GFPT1: variants seen among roughly 807,000 people sequenced by gnomAD.
The protein encoded by GFPT1 is glutamine--fructose-6-phosphate transaminase 1.
A neutral mutation model predicts 92.0 loss-of-function variants in GFPT1; 40 were observed. That is an observed-to-expected ratio of 0.43 (90% confidence interval 0.34 to 0.57). GFPT1 has a LOEUF of 0.57. GFPT1 is among the 20% of genes least tolerant of loss of function. The pLI, the probability that GFPT1 is intolerant of heterozygous loss-of-function variation, is 0.02. For synonymous variants in GFPT1, 269 were observed against 280.6 expected, an observed-to-expected ratio of 0.96 and a Z score of 0.41; for missense variants, 448 against 869.1, an observed-to-expected ratio of 0.52 and a Z score of 6.09.
rs1367565689 is a variant in GFPT1, at chr2:69,350,176, G to A, written c.747C>T (p.Asp249=). 6.2e-7 allele frequency: 1 copy of A among 1,610,680 alleles called. No individual in the cohort carries two copies. The highest frequency in any genetic ancestry group is 1.1e-5 in the South Asian group (1 of 91,000). Residue 249 remains aspartate, a synonymous_variant, in exon 10 of 20, where the codon GAC becomes GAT. Coordinates refer to ENST00000357308, the MANE Select transcript of GFPT1 (RefSeq NM_001244710.2). The stretch of plus-strand genomic sequence containing the variant: ...GAGAGAGATTGCAGCTTCCTTTCTT[G>A]TCTTTGCCTAAAGCATATAGTTAAC... The part of the protein sequence containing the change: ...RWGSQGERGK[D]KKGSCNLSRV...
chr2:69,350,057 G>C (rs763501709), intron 10 of GFPT1, 21 bp downstream of exon 10: 2 of 1,505,374 alleles, frequency 1.3e-6, no homozygotes, highest in African/African-American at 1.4e-5. Context: ...AAATCTCTTT[G>C]AATCAACTAA....
At position 69,323,304 on chromosome 2, in the gene GFPT1, T is replaced by C. The variant is rs568536716; in HGVS notation, c.*2885A>G. The C allele has an allele frequency of 3.3e-5, 5 of 152,362 alleles. No individual in the cohort carries two copies. The South Asian group carries it at 1.0e-3, about 32-fold the overall frequency. The allele number at this position is 152,362 out of a possible 1,614,324, so 9.4% of individuals were successfully genotyped here. ...AAAGAACTTTTTATATGAAGGATTC[T>C]TTATGTAGAGTATCTTTTTTGAAAA... On this transcript the variant is annotated 3_prime_UTR_variant, in exon 20 of 20. Coordinates refer to ENST00000357308, the MANE Select transcript of GFPT1 (RefSeq NM_001244710.2).
In GFPT1 at chr2:69,328,251, C is replaced by T; in HGVS notation, c.1893+20G>A. 2 of 1,602,856 alleles carry T rather than the reference C, an allele frequency of 1.2e-6. No individual in the cohort carries two copies. ...TCCCCTCTTTGATCCCCAAGGTGTT[C>T]TCACAGTCCCCCGACTTACCTGCCG... On this transcript the variant is annotated intron_variant, in intron 18 of 19. Transcript: ENST00000357308.
At chr2:69,365,602 T>A (rs1671591926) in intron 3 of GFPT1, among the ~76,000 whole-genome samples, 1 of 152,222 alleles carries the variant, frequency 6.6e-6, no homozygotes, top group South Asian at 2.1e-4. Context: ...CCTTATTATT[T>A]TTGAATCCTA....
At chr2:69,381,992 T>C (rs1672023975) in intron 1 of GFPT1, among the ~76,000 whole-genome samples, 1 of 152,104 alleles carries the variant, frequency 6.6e-6, no homozygotes, top group South Asian at 2.1e-4. Flanking sequence ...GCCTCCCAAG[T>C]AGCTGGGATT....
chr2:69,338,619 C>T (rs1478727061), intron 13 of GFPT1, 54 bp from the exon 14 acceptor site: 18 of 1,593,922 alleles, frequency 1.1e-5, no homozygotes, highest in Middle Eastern at 1.7e-4. Flanking sequence ...ACTCTTTCAT[C>T]GGACTTCTTT....
intron 15 of GFPT1, among the ~76,000 whole-genome samples, chr2:69,336,614 C>T (rs1670805733): frequency 6.8e-6 from 1 of 147,218 alleles, no homozygotes; most frequent in Non-Finnish European, 1.5e-5. Context: ...ACACATTGGA[C>T]AACATAGTGA....
rs1187127911 is a variant in GFPT1, at chr2:69,329,702, C to T, written c.1579G>A (p.Gly527Arg). ...TTTGTACCAGGCAGCCGTTTCAATC[C>T]AAGCATGATCTCTTTGCGTCTTTCT... ...MQERRKEIML[G>R]LKRLPDLIKE... The change falls in exon 16 of 20, where the codon GGA (glycine) becomes AGA (arginine). Residue 527 changes from glycine (G) to arginine (R), a missense_variant. Physicochemically the swap from Gly to Arg is moderately radical, Grantham distance 125. Around this residue, in one of 7 missense-constraint regions of GFPT1, gnomAD observed 73 missense variants for 103.5 expected, o/e 0.71. Coordinates refer to ENST00000357308, the MANE Select transcript of GFPT1 (RefSeq NM_001244710.2). 1 of 1,610,612 alleles carries T rather than the reference C, an allele frequency of 6.2e-7. No individual in the cohort carries two copies. The highest frequency in any genetic ancestry group is 8.5e-7 in the Non-Finnish European group (1 of 1,176,862).
In GFPT1 at chr2:69,323,211, G is replaced by C. The variant is rs1427179277; in HGVS notation, c.*2978C>G. 3 of 152,082 alleles carry C rather than the reference G, an allele frequency of 2.0e-5. No homozygotes were observed. Among genetic ancestry groups the C allele is most frequent in the Non-Finnish European group, 4.4e-5 (3 of 68,022 alleles). The allele number at this position is 152,082 out of a possible 1,614,324, so 9.4% of individuals were successfully genotyped here. A position where few individuals can be genotyped will look rare whatever the true frequency, so the allele number is the denominator to read the frequency against. The stretch of plus-strand genomic sequence containing the variant: ...CGCTAGATGACAGACATGCCTCCCT[G>C]CCTAAAAAGGGCTCAAAGGAACTCT... On this transcript the variant is annotated 3_prime_UTR_variant, in exon 20 of 20. Coordinates refer to ENST00000357308, the MANE Select transcript of GFPT1 (RefSeq NM_001244710.2).
intron 14 of GFPT1, 32 bp from the exon 15 acceptor site, chr2:69,338,087 A>G (rs1670844519): frequency 6.2e-7 from 1 of 1,606,836 alleles, no homozygotes; most frequent in African/African-American, 1.3e-5. Flanking sequence ...CATAACACAC[A>G]GAACAGTTTT....
chr2:69,350,307 T>C (rs1416133259), intron 9 of GFPT1, 124 bp from the exon 10 acceptor site: 3 of 714,148 alleles, frequency 4.2e-6, no homozygotes, highest in Non-Finnish European at 7.3e-6. Context: ...TTAGCAAATT[T>C]AAAAAGCCAA....
In GFPT1 at chr2:69,370,069, G is replaced by GCTTCCCAATCTTTATCATTGC. The variant is rs1558773904; in HGVS notation, c.134_154dup (p.Gly45_Glu51dup). 6 of 1,611,296 alleles carry GCTTCCCAATCTTTATCATTGC rather than the reference G, an allele frequency of 3.7e-6. No individual in the cohort carries two copies. The highest frequency in any genetic ancestry group is 5.1e-6 in the Non-Finnish European group (6 of 1,177,704). ...AATAAGCTGGATTTTGCAGGCATTG[G>GCTTCCCAATCTTTATCATTGC]CTTCCCAATCTTTATCATTGCCTCC... is the stretch of plus-strand genomic sequence containing the variant. On this transcript the variant is annotated inframe_insertion, in exon 3 of 20. Coordinates refer to ENST00000357308, the MANE Select transcript of GFPT1 (RefSeq NM_001244710.2).
intron 1 of GFPT1, among the ~76,000 whole-genome samples, chr2:69,382,440 T>C (rs1396399082): frequency 1.3e-5 from 2 of 152,176 alleles, no homozygotes; most frequent in Non-Finnish European, 2.9e-5. Flanking sequence ...ATCCTCTTCT[T>C]TTTCATATTA....
intron 10 of GFPT1, among the ~76,000 whole-genome samples, chr2:69,348,988 A>T (rs1442644473): frequency 1.3e-5 from 2 of 152,146 alleles, no homozygotes; most frequent in East Asian, 3.9e-4. Flanking sequence ...AGCCATTTGC[A>T]AAGAATGAAT....
At chr2:69,363,337 C>T (rs750200572) in intron 4 of GFPT1, among the ~76,000 whole-genome samples, 9 of 152,112 alleles carry the variant, frequency 5.9e-5, no homozygotes, top group Non-Finnish European at 1.0e-4. Context: ...CTCCTGGACT[C>T]AAGCAATCCT....
chr2:69,330,451 T>A (rs1670632498), intron 15 of GFPT1, among the ~76,000 whole-genome samples: 1 of 152,000 alleles, frequency 6.6e-6, no homozygotes, highest in East Asian at 1.9e-4. Context: ...AAAAGGCAAG[T>A]GCTTGATAAA....
chr2:69,325,281 A>G lies in GFPT1; in HGVS notation c.*908T>C, dbSNP rs953103151. The G allele has an allele frequency of 1.3e-5, 2 of 152,198 alleles. No individual in the cohort carries two copies. The highest frequency in any genetic ancestry group is 6.5e-5 in the Admixed American group (1 of 15,280). 9.4% of individuals were successfully genotyped at this position (152,198 alleles called of 1,614,324 possible). A position where few individuals can be genotyped will look rare whatever the true frequency, so the allele number is the denominator to read the frequency against. ...GTTGAAGAGAATACTGAATATATCA[A>G]TATTAATTTAATAGCAGCTCTGTGT... On this transcript the variant is annotated 3_prime_UTR_variant, in exon 20 of 20. Transcript: ENST00000357308.
chr2:69,356,568 A>G lies in GFPT1; in HGVS notation c.544-11T>C, dbSNP rs1671343843. 1 of 1,595,432 alleles carries G rather than the reference A, an allele frequency of 6.3e-7. No individual in the cohort carries two copies. The highest frequency in any genetic ancestry group is 8.6e-7 in the Non-Finnish European group (1 of 1,163,104). On this transcript the variant is annotated splice_polypyrimidine_tract_variant and intron_variant, in intron 6 of 19. Coordinates refer to ENST00000357308, the MANE Select transcript of GFPT1 (RefSeq NM_001244710.2). ...TGCAAAAGCACCTTCCTAGGGAGGG[A>G]AAAAAATCCATTAGCACTATTTAAT...
At chr2:69,352,872 C>T (rs1026420208) in intron 9 of GFPT1, among the ~76,000 whole-genome samples, 3 of 150,566 alleles carry the variant, frequency 2.0e-5, no homozygotes, top group Admixed American at 1.3e-4. Context: ...ATGGCGAAAC[C>T]CCGTCTCTAC....
Sources: allele counts gnomAD v4.1 joint callset (sites outside exome capture counted in the v4.1 genomes callset), GRCh38; gene constraint gnomAD v4.1.1; regional missense constraint gnomAD v4.1.1; transcripts MANE v1.5; gene names NCBI Gene and HGNC (gene_info 2026-07-23, HGNC 2026-07-21).